RANBP2: variants seen among roughly 807,000 people sequenced by gnomAD.
RANBP2 encodes the protein RAN binding protein 2.
A neutral mutation model predicts 303.6 loss-of-function variants in RANBP2; 57 were observed. The ratio of observed to expected loss-of-function variants is 0.19; its 90% confidence interval spans 0.15 to 0.23. The LOEUF is 0.23. Among genes scored for constraint, RANBP2 ranks in the 10% least tolerant of loss-of-function variants. RANBP2 has a pLI of 1.00. For synonymous variants in RANBP2, 1,167 were observed against 1,301.5 expected (o/e 0.90, Z 2.23); for missense variants, 3,138 against 3,780.8 (o/e 0.83, Z 4.46).
chr2:109,655,599 G>C, the RANBP2 span, among the ~76,000 whole-genome samples: 2 of 152,124 alleles, frequency 1.3e-5, no homozygotes, highest in East Asian at 3.9e-4. Context: ...GTTCTGCCCT[G>C]TTCCTTCACT....
chr2:109,663,841 T>C, the RANBP2 span, among the ~76,000 whole-genome samples: 8 of 152,162 alleles, frequency 5.3e-5, no homozygotes, highest in Non-Finnish European at 8.8e-5. Context: ...AACAGACGTG[T>C]CTAGGAGTCA....
chr2:109,109,209 C>A, the RANBP2 span, among the ~76,000 whole-genome samples: 1 of 152,234 alleles, frequency 6.6e-6, no homozygotes, highest in Non-Finnish European at 1.5e-5. Context: ...CCAATAAACA[C>A]AATGGAGCGC....
the RANBP2 span, chr2:109,371,672 G>A: frequency 6.2e-7 from 1 of 1,613,572 alleles, no homozygotes; most frequent in African/African-American, 1.3e-5. Context: ...TCCCGCTCCT[G>A]TACGTGGAGG....
the RANBP2 span, among the ~76,000 whole-genome samples, chr2:109,497,143 C>T: frequency 6.6e-6 from 1 of 152,196 alleles, no homozygotes; most frequent in Non-Finnish European, 1.5e-5. Flanking sequence ...GATGCCACTA[C>T]ATTTATGGTC....
chr2:109,543,070 A>G, the RANBP2 span: 1 of 152,648 alleles, frequency 6.6e-6, no homozygotes, highest in Non-Finnish European at 1.5e-5. Flanking sequence ...GTATATATCT[A>G]TGACTGTTAA....
Position 108,777,264 on chromosome 2 carries a change from T to C in RANBP2, c.8599+33T>C, listed in dbSNP as rs909440419. The C allele has an allele frequency of 3.2e-6, 5 of 1,551,354 alleles. No individual in the cohort carries two copies. The African/African-American group carries it at 5.9e-5, about 18-fold the overall frequency. ...CAAGAGGAGAGACTTTTAATGACAT[T>C]GTTACAGAATCAAGCACAACTGAAA... On this transcript the variant is annotated intron_variant, in intron 25 of 28. Coordinates refer to ENST00000283195, the MANE Select transcript of RANBP2 (RefSeq NM_006267.5).
the RANBP2 span, chr2:109,437,028 G>T: frequency 6.2e-7 from 1 of 1,613,840 alleles, no homozygotes; most frequent in Non-Finnish European, 8.5e-7. Context: ...GGCCCGCCCT[G>T]CCCATCACCA....
chr2:108,726,084 G>A (rs927533972), intron 1 of RANBP2, among the ~76,000 whole-genome samples: 3 of 152,064 alleles, frequency 2.0e-5, no homozygotes, highest in African/African-American at 7.2e-5. Flanking sequence ...TGTGTCACCC[G>A]TGGTCCAAAA....
At chr2:109,389,880 C>T in the RANBP2 span, among the ~76,000 whole-genome samples, 1 of 152,260 alleles carries the variant, frequency 6.6e-6, no homozygotes, top group Admixed American at 6.5e-5. Flanking sequence ...GTGGCTGGGC[C>T]GGCCCTGGGA....
the RANBP2 span, among the ~76,000 whole-genome samples, chr2:109,069,667 C>T: frequency 6.6e-6 from 1 of 152,186 alleles, no homozygotes; most frequent in Admixed American, 6.5e-5. Context: ...CTGAAAGAGG[C>T]TTTGAAAATG....
chr2:109,004,102 A>G, the RANBP2 span, among the ~76,000 whole-genome samples: 1 of 152,340 alleles, frequency 6.6e-6, no homozygotes, highest in South Asian at 2.1e-4. Context: ...TGACATGTGC[A>G]TATTTTTGTA....
rs748094089 is a variant in RANBP2, at chr2:108,771,719, C to T, written c.7868C>T (p.Pro2623Leu). Reference protein sequence around the residue: ...TPEKAKEKKKPEDSPSDDDVL... With the variant: ...TPEKAKEKKKLEDSPSDDDVL... ...GTTACAGCAAAAGAGAAGAAAAAACCTGAAGATTCTCCCTCAGATGATGAT... is the reference window on the plus strand; with the variant it reads ...GTTACAGCAAAAGAGAAGAAAAAACTTGAAGATTCTCCCTCAGATGATGAT... The change falls in exon 21 of 29, where the codon CCT becomes CTT. Residue 2623 changes from proline to leucine, a missense_variant. This residue lies in a region of RANBP2 where 497 missense variants were observed against 465.8 expected (regional missense o/e 1.07). Coordinates refer to ENST00000283195, the MANE Select transcript of RANBP2 (RefSeq NM_006267.5). 2 of 1,613,170 alleles carry T rather than the reference C, an allele frequency of 1.2e-6. No individual in the cohort carries two copies. The highest frequency in any genetic ancestry group is 1.7e-4 in the Middle Eastern group (1 of 6,058).
chr2:108,828,527 A>G, the RANBP2 span, among the ~76,000 whole-genome samples: 1 of 152,236 alleles, frequency 6.6e-6, no homozygotes, highest in South Asian at 2.1e-4. Context: ...GATAGAATGG[A>G]GAGCCCAATA....
chr2:109,304,461 G>A, the RANBP2 span, among the ~76,000 whole-genome samples: 1 of 152,106 alleles, frequency 6.6e-6, no homozygotes, highest in African/African-American at 2.4e-5. Flanking sequence ...TTGTCTGCTA[G>A]GGGTTCCTTG....
the RANBP2 span, among the ~76,000 whole-genome samples, chr2:109,015,613 C>G: frequency 2.6e-5 from 4 of 151,910 alleles, no homozygotes; most frequent in African/African-American, 9.7e-5. Flanking sequence ...CAAAAATTAG[C>G]TGGGCATGAT....
the RANBP2 span, among the ~76,000 whole-genome samples, chr2:108,851,877 C>T: frequency 3.9e-5 from 6 of 152,166 alleles, no homozygotes; most frequent in African/African-American, 1.2e-4. Flanking sequence ...TATACCTTAT[C>T]TCTGAATACT....
At chr2:109,025,678 G>T in the RANBP2 span, among the ~76,000 whole-genome samples, 8 of 151,738 alleles carry the variant, frequency 5.3e-5, no homozygotes, top group Non-Finnish European at 1.2e-4. Context: ...GGCGCCTGTA[G>T]TCCCAGCTAC....
the RANBP2 span, among the ~76,000 whole-genome samples, chr2:109,364,623 A>G: frequency 6.6e-6 from 1 of 152,200 alleles, no homozygotes; most frequent in African/African-American, 2.4e-5. Flanking sequence ...TGCGGCCACA[A>G]ATGTTCTATA....
At chr2:109,044,742 G>A in the RANBP2 span, among the ~76,000 whole-genome samples, 4 of 152,024 alleles carry the variant, frequency 2.6e-5, no homozygotes, top group African/African-American at 4.8e-5. Flanking sequence ...GAGAGAGACT[G>A]GCTGGAGAAA....
Sources: allele counts gnomAD v4.1 joint callset (sites outside exome capture counted in the v4.1 genomes callset), GRCh38; gene constraint gnomAD v4.1.1; regional missense constraint gnomAD v4.1.1; transcripts MANE v1.5; gene names NCBI Gene and HGNC (gene_info 2026-07-23, HGNC 2026-07-21).